The following TSPAN15 variants were observed in gnomAD, a reference collection of about 807,000 sequenced individuals.
The protein encoded by TSPAN15 is tetraspanin-15.
Under a neutral mutation model 34.5 loss-of-function variants are expected in TSPAN15, and 20 were observed. That is an observed-to-expected ratio of 0.58 (90% CI 0.41 to 0.84). The LOEUF is 0.84. TSPAN15 is among the 40% of genes least tolerant of loss of function. The probability of loss-of-function intolerance (pLI) is 0.00; values close to 1 mark genes in which losing one functional copy is unlikely to be tolerated. For missense variants in TSPAN15, 313 were observed against 386.1 expected (o/e 0.81, Z 1.59); for synonymous variants, 155 against 153.9 (o/e 1.01, Z -0.05).
chr10:69,501,612 A>T (rs1003676891), intron 5 of TSPAN15, among the ~76,000 whole-genome samples: 1 of 152,220 alleles, frequency 6.6e-6, no homozygotes, highest in Non-Finnish European at 1.5e-5. Flanking sequence ...GGCCTAGATG[A>T]TGGAGAAAAA....
chr10:69,479,318 G>A (rs762637773), intron 1 of TSPAN15, among the ~76,000 whole-genome samples: 1 of 152,248 alleles, frequency 6.6e-6, no homozygotes, highest in Non-Finnish European at 1.5e-5. Context: ...GCAGCTGCCT[G>A]GAACTGGGCC....
chr10:69,498,166 C>G (rs761713706), intron 4 of TSPAN15, 114 bp from the exon 5 acceptor site: 2 of 882,220 alleles, frequency 2.3e-6, no homozygotes, highest in Non-Finnish European at 3.7e-6. Flanking sequence ...CTCTCCCTGC[C>G]CCAGGGTGAC....
rs772209282 is a variant in TSPAN15 at position 69,498,399 on chromosome 10, A to G, written c.570+3A>G. ...ACACCTGCTGCATCAGGAACACGGT[A>G]GACACTGCTCCTGTGGGGACTGGGG... On this transcript the variant is annotated splice_donor_region_variant and intron_variant, in intron 5 of 7. Coordinates refer to ENST00000373290, the MANE Select transcript of TSPAN15 (RefSeq NM_012339.5). 1 of 1,611,676 alleles carries G rather than the reference A, an allele frequency of 6.2e-7. No individual in the cohort carries two copies. Among genetic ancestry groups the G allele is most frequent in the South Asian group, 1.1e-5 (1 of 91,028 alleles).
chr10:69,504,473 T>C lies in TSPAN15; in HGVS notation c.606T>C (p.Thr202=). Residue 202 remains threonine (T), a synonymous_variant, in exon 6 of 8, where the codon ACT becomes ACC. Coordinates refer to ENST00000373290, the MANE Select transcript of TSPAN15 (RefSeq NM_012339.5). ...EVVNTMCGYK[T]IDKERFSVQD... ...TCAACACCATGTGTGGCTACAAAAC[T>C]ATCGACAAGGAGGTAATGTCTTTGA... 4.3e-6 allele frequency: 7 copies of C among 1,614,136 alleles called. No homozygotes were observed. The highest frequency in any genetic ancestry group is 5.1e-6 in the Non-Finnish European group (6 of 1,179,972).
chr10:69,518,985 ACT>A, the TSPAN15 span, among the ~76,000 whole-genome samples: 1 of 152,240 alleles, frequency 6.6e-6, no homozygotes, highest in Admixed American at 6.5e-5. Flanking sequence ...CTGTTGCAGC[ACT>A]GTTTATAATA....
chr10:69,492,544 G>C (rs1328905920), intron 3 of TSPAN15, among the ~76,000 whole-genome samples: 3 of 152,182 alleles, frequency 2.0e-5, no homozygotes, highest in African/African-American at 7.2e-5. Context: ...CTCCTGCAGG[G>C]CCCCCCTTCC....
At chr10:69,492,249 C>A (rs1047743798) in intron 3 of TSPAN15, among the ~76,000 whole-genome samples, 40 of 152,214 alleles carry the variant, frequency 2.6e-4, no homozygotes, top group African/African-American at 8.9e-4. Context: ...CTGAGTGGCT[C>A]CCCTGGTCTC....
chr10:69,452,032 T>C lies in TSPAN15; in HGVS notation c.96+342T>C, dbSNP rs1840983037. ...GCCCACCACGCCTACCCGGTAGGAC[T>C]GACTGCCTCTGCATCGGCCTGTGGA... On this transcript the variant is annotated intron_variant, in intron 1 of 7. Coordinates refer to ENST00000373290, the MANE Select transcript of TSPAN15 (RefSeq NM_012339.5). Among the ~76,000 whole-genome samples, 5 of 152,268 alleles carry C rather than the reference T, an allele frequency of 3.3e-5. No homozygotes were observed. The South Asian group carries it at 1.0e-3, about 31-fold the overall frequency.
chr10:69,458,111 C>T (rs1039111042), intron 1 of TSPAN15, among the ~76,000 whole-genome samples: 1 of 152,192 alleles, frequency 6.6e-6, no homozygotes, highest in Non-Finnish European at 1.5e-5. Flanking sequence ...CCCCCATGAC[C>T]TTTCCAGGCG....
At chr10:69,455,632 C>A (rs112974344) in intron 1 of TSPAN15, among the ~76,000 whole-genome samples, 3 of 136,470 alleles carry the variant, frequency 2.2e-5, no homozygotes, top group African/African-American at 5.7e-5. Flanking sequence ...CTCTCCCCCC[C>A]CCGTCTCTTT....
intron 1 of TSPAN15, among the ~76,000 whole-genome samples, chr10:69,480,712 T>G (rs767802750): frequency 2.6e-4 from 40 of 152,288 alleles, no homozygotes; most frequent in Middle Eastern, 3.4e-3. Flanking sequence ...TCTTCTTCTT[T>G]TTTGAGACAG....
rs963008275 is a variant in TSPAN15, at chr10:69,498,387, C to T, written c.561C>T (p.Ile187=). ...GTGGGGTGCCCTACACCTGCTGCAT[C>T]AGGAACACGGTAGACACTGCTCCTG... ...LACGVPYTCC[I]RNTTEVVNTM... The change falls in exon 5 of 8, where the codon ATC becomes ATT. Residue 187 remains isoleucine (I), a synonymous_variant. Transcript: ENST00000373290. 1.2e-6 allele frequency: 2 copies of T among 1,613,700 alleles called. No homozygotes were observed. Among genetic ancestry groups the T allele is most frequent in the Non-Finnish European group, 1.7e-6 (2 of 1,179,802 alleles).
chr10:69,463,400 G>A (rs1841313157), intron 1 of TSPAN15, among the ~76,000 whole-genome samples: 1 of 152,194 alleles, frequency 6.6e-6, no homozygotes, highest in African/African-American at 2.4e-5. Flanking sequence ...CAGGGGAGAG[G>A]ACCTTGCTTG....
rs45471193 is a variant in TSPAN15 at position 69,494,989 on chromosome 10, G to C, written c.358-605G>C. 3,998 of 511,218 alleles carry C rather than the reference G, an allele frequency of 7.8e-3. 25 individuals are homozygous for C. Among genetic ancestry groups the C allele is most frequent in the Non-Finnish European group, 9.2e-3 (3,630 of 396,224 alleles). 31.7% of individuals were successfully genotyped at this position (511,218 alleles called of 1,614,324 possible). ...GGCAGGGATTGTCCCAGCCCTAGCC[G>C]AGGGGGACCGAGTGCTGCAGTGATG... On this transcript the variant is annotated intron_variant, in intron 3 of 7. Transcript: ENST00000373290.
chr10:69,483,836 T>G lies in TSPAN15; in HGVS notation c.242T>G (p.Val81Gly). ...ATGTTCATGGTCTCCTTCATTGGTG[T>G]GCTGGCGTCCCTCCGTGACAACCTG... is the stretch of plus-strand genomic sequence containing the variant. Reference protein sequence around the residue: ...VVMFMVSFIGVLASLRDNLYL... With the variant: ...VVMFMVSFIGGLASLRDNLYL... The change falls in exon 2 of 8, where the codon GTG becomes GGG. Residue 81 changes from valine (V) to glycine (G), a missense_variant. Coordinates refer to ENST00000373290, the MANE Select transcript of TSPAN15 (RefSeq NM_012339.5). 1 of 1,614,120 alleles carries G rather than the reference T, an allele frequency of 6.2e-7. No homozygotes were observed. Among genetic ancestry groups the G allele is most frequent in the Non-Finnish European group, 8.5e-7 (1 of 1,180,032 alleles).
the TSPAN15 span, among the ~76,000 whole-genome samples, chr10:69,515,380 C>T: frequency 6.6e-6 from 1 of 152,168 alleles, no homozygotes; most frequent in African/African-American, 2.4e-5. Context: ...TCAGTTCATT[C>T]GTAGCTCACA....
Position 69,503,311 on chromosome 10 carries a change from T to C in TSPAN15, c.571-1127T>C, listed in dbSNP as rs370200073. 1.6e-4 allele frequency among the ~76,000 whole-genome samples: 25 copies of C among 152,324 alleles called. No individual in the cohort carries two copies. In the East Asian group the frequency reaches 2.9e-3, roughly 18 times the overall value. On this transcript the variant is annotated intron_variant, in intron 5 of 7. Coordinates refer to ENST00000373290, the MANE Select transcript of TSPAN15 (RefSeq NM_012339.5). ...GGAAGGAGAGAAGACACCCTCCCTT[T>C]CCTTTGCAGGGGCTGGAATTGTGAA...
chr10:69,498,023 C>T (rs1842122552), intron 4 of TSPAN15, among the ~76,000 whole-genome samples: 1 of 152,166 alleles, frequency 6.6e-6, no homozygotes, highest in African/African-American at 2.4e-5. Context: ...CCTCCCAGTG[C>T]CTAGTCACTA....
chr10:69,544,229 A>G, the TSPAN15 span, among the ~76,000 whole-genome samples: 1 of 152,162 alleles, frequency 6.6e-6, no homozygotes, highest in Non-Finnish European at 1.5e-5. Context: ...CCCTTTTTGA[A>G]ACATTTATTT....
Sources: allele counts gnomAD v4.1 joint callset (sites outside exome capture counted in the v4.1 genomes callset), GRCh38; gene constraint gnomAD v4.1.1; transcripts MANE v1.5; gene names NCBI Gene and HGNC (gene_info 2026-07-23, HGNC 2026-07-21).